Variants in SYT1 observed in about 807,000 individuals in gnomAD.
The protein encoded by SYT1 is synaptotagmin-1.
In SYT1, 8 loss-of-function variants were observed where a neutral mutation model predicts 44.8. The observed-to-expected ratio is 0.18, with a 90% CI of 0.10 to 0.32. The LOEUF is 0.32. SYT1 is among the 10% of genes least tolerant of loss of function. The pLI is 1.00. For missense variants in SYT1, 286 were observed against 509.3 expected, an observed-to-expected ratio of 0.56 and a Z score of 4.22; for synonymous variants, 154 against 188.8, an observed-to-expected ratio of 0.82 and a Z score of 1.51.
At chr12:79,150,508 A>C (rs150317232) in intron 3 of SYT1, among the ~76,000 whole-genome samples, 61 of 152,300 alleles carry the variant, frequency 4.0e-4, no homozygotes, top group African/African-American at 1.3e-3. Flanking sequence ...AGGAGGAATA[A>C]GTTTTTGAGA....
chr12:79,116,144 G>A (rs1175411530), intron 3 of SYT1, among the ~76,000 whole-genome samples: 2 of 152,204 alleles, frequency 1.3e-5, no homozygotes, highest in African/African-American at 4.8e-5. Context: ...TCATAGGTTA[G>A]AGTAGGATTA....
chr12:78,928,101 C>T (rs1361392738), intron 1 of SYT1, among the ~76,000 whole-genome samples: 2 of 152,048 alleles, frequency 1.3e-5, no homozygotes, highest in African/African-American at 4.8e-5. Flanking sequence ...TAATTTGTAA[C>T]AATAAAAGTT....
chr12:78,878,173 T>C (rs949003291), intron 1 of SYT1, among the ~76,000 whole-genome samples: 5 of 151,622 alleles, frequency 3.3e-5, no homozygotes, highest in Non-Finnish European at 7.4e-5. Context: ...AACTTTCTTG[T>C]AGATCGGAAG....
intron 5 of SYT1, among the ~76,000 whole-genome samples, chr12:79,289,557 G>A (rs1265216252): frequency 1.3e-5 from 2 of 152,230 alleles, no homozygotes; most frequent in Admixed American, 1.3e-4. Flanking sequence ...AAACCACTTA[G>A]GGAGAAGGAG....
At chr12:79,262,478 T>C (rs1020872751) in intron 4 of SYT1, among the ~76,000 whole-genome samples, 1 of 152,154 alleles carries the variant, frequency 6.6e-6, no homozygotes, top group Non-Finnish European at 1.5e-5. Context: ...TTCTGCCCCT[T>C]GTCCAACTCT....
At chr12:78,921,152 T>C (rs1326614133) in intron 1 of SYT1, among the ~76,000 whole-genome samples, 1 of 151,992 alleles carries the variant, frequency 6.6e-6, no homozygotes, top group Non-Finnish European at 1.5e-5. Flanking sequence ...GTTCTCTATC[T>C]CATGTTTTTA....
chr12:79,359,649 C>T (rs1883243550), intron 9 of SYT1, among the ~76,000 whole-genome samples: 1 of 152,160 alleles, frequency 6.6e-6, no homozygotes, highest in Non-Finnish European at 1.5e-5. Context: ...GGATTAGCTA[C>T]TGTGACCTAG....
chr12:79,355,658 T>C (rs1883084335), intron 9 of SYT1, among the ~76,000 whole-genome samples: 1 of 152,166 alleles, frequency 6.6e-6, no homozygotes, highest in South Asian at 2.1e-4. Flanking sequence ...AACACACTCT[T>C]TTGCAAACAA....
chr12:79,277,737 A>G (rs1305336459), intron 4 of SYT1, among the ~76,000 whole-genome samples: 2 of 152,078 alleles, frequency 1.3e-5, no homozygotes, highest in East Asian at 3.9e-4. Context: ...TTGATAAAAT[A>G]CATAATCCAA....
chr12:79,055,073 T>C (rs149526239), intron 3 of SYT1, among the ~76,000 whole-genome samples: 34 of 152,088 alleles, frequency 2.2e-4, no homozygotes, highest in East Asian at 1.5e-3. Flanking sequence ...TTATTAACTA[T>C]GGGATGTAGG....
chr12:79,384,987 ATTTT>A, intron 9 of SYT1, among the ~76,000 whole-genome samples: 1 of 129,898 alleles, frequency 7.7e-6, no homozygotes, highest in Admixed American at 8.4e-5. Context: ...GGACCACTGG[ATTTT>A]TTTTTTTTTT....
chr12:78,887,399 G>T (rs572338114), intron 1 of SYT1, among the ~76,000 whole-genome samples: 2 of 152,062 alleles, frequency 1.3e-5, no homozygotes, highest in African/African-American at 4.8e-5. Context: ...ATGCCAAAGA[G>T]AAGCCATAAA....
At chr12:79,179,500 G>GATATAGATATAGATATATCT (rs1229241812) in intron 3 of SYT1, among the ~76,000 whole-genome samples, 16 of 104,198 alleles carry the variant, frequency 1.5e-4, no homozygotes, top group African/African-American at 6.0e-4. Flanking sequence ...TATCTATATA[G>GATATAGATATAGATATATCT]ATATAGATAT....
intron 1 of SYT1, among the ~76,000 whole-genome samples, chr12:78,908,820 T>C (rs1011506399): frequency 2.4e-4 from 36 of 152,138 alleles, no homozygotes; most frequent in Non-Finnish European, 3.7e-4. Flanking sequence ...TAACCTCTTA[T>C]CTGGAATATG....
chr12:79,410,506 C>CAA (rs5799432), intron 9 of SYT1, among the ~76,000 whole-genome samples: 3,658 of 75,834 alleles, frequency 0.048, 84 homozygotes, highest in East Asian at 0.072. Flanking sequence ...TGTTCAAAGT[C>CAA]AAAAAAAAAA....
chr12:79,361,723 C>T (rs1005322354), intron 9 of SYT1, among the ~76,000 whole-genome samples: 1 of 152,166 alleles, frequency 6.6e-6, no homozygotes, highest in African/African-American at 2.4e-5. Context: ...ACTTATTCTT[C>T]ACACACAAAA....
At chr12:79,290,553 A>T (rs1445924071) in intron 5 of SYT1, among the ~76,000 whole-genome samples, 1 of 152,202 alleles carries the variant, frequency 6.6e-6, no homozygotes, top group African/African-American at 2.4e-5. Flanking sequence ...GAGTTCTATG[A>T]GAATTCTTAG....
chr12:79,174,447 G>C (rs1038609097), intron 3 of SYT1, among the ~76,000 whole-genome samples: 1 of 151,920 alleles, frequency 6.6e-6, no homozygotes, highest in Non-Finnish European at 1.5e-5. Flanking sequence ...GGGAGAAATC[G>C]GGTTTCAATT....
At chr12:79,146,143 C>CA (rs1466554005) in intron 3 of SYT1, among the ~76,000 whole-genome samples, 2 of 152,196 alleles carry the variant, frequency 1.3e-5, no homozygotes, top group African/African-American at 4.8e-5. Flanking sequence ...CTTCAGACTT[C>CA]AAGGAGTTTT....
Sources: allele counts gnomAD v4.1 joint callset (sites outside exome capture counted in the v4.1 genomes callset), GRCh38; gene constraint gnomAD v4.1.1; transcripts MANE v1.5; gene names NCBI Gene and HGNC (gene_info 2026-07-23, HGNC 2026-07-21).